ZNF280C: variants seen among roughly 807,000 people sequenced by gnomAD.
ZNF280C encodes zinc finger protein 280C, also known as suppressor of hairy wing homolog 3.
In ZNF280C, 14 loss-of-function variants were observed where a neutral mutation model predicts 53.6. The ratio of observed to expected loss-of-function variants is 0.26; its 90% CI spans 0.17 to 0.41. ZNF280C has a LOEUF of 0.41. Ranked by LOEUF, ZNF280C falls within the 10% of genes least tolerant of loss-of-function variation. The pLI, the probability that ZNF280C is intolerant of heterozygous loss-of-function variation, is 1.00. For missense variants in ZNF280C, 416 were observed against 547.1 expected, an observed-to-expected ratio of 0.76 and a Z score of 2.39; for synonymous variants, 203 against 181.1, an observed-to-expected ratio of 1.12 and a Z score of -0.97.
rs138517240 is a variant in ZNF280C at position 130,236,298 on chromosome X, A to G, written c.687T>C (p.Tyr229=). 195 of 1,201,485 alleles carry G rather than the reference A, an allele frequency of 1.6e-4. 1 individual carries two copies. In the African/African-American group the frequency reaches 3.0e-3, roughly 18 times the overall value. Residue 229 remains tyrosine, a synonymous_variant, in exon 8 of 19, where the codon TAT becomes TAC. Transcript: ENST00000370978. ...CTCTTAGGTAATCTGCTCCAGCATC[A>G]TATGGAGATGAGGTATTTGTACCTA... The part of the protein sequence containing the change: ...LSKGTNTSSP[Y]DAGADYLRAC...
chrX:130,252,295 G>C (rs771356801), intron 2 of ZNF280C, among the ~76,000 whole-genome samples: 5 of 111,574 alleles, frequency 4.5e-5, no homozygotes, highest in African/African-American at 1.6e-4. Flanking sequence ...TGGGATGCAG[G>C]GTTCGTTCAA....
At chrX:130,235,184 A>C (rs1326599722) in intron 8 of ZNF280C, among the ~76,000 whole-genome samples, 5 of 112,733 alleles carry the variant, frequency 4.4e-5, no homozygotes, top group Admixed American at 3.8e-4. Context: ...AATTTAGTCA[A>C]TAAAATATTG....
intron 2 of ZNF280C, among the ~76,000 whole-genome samples, chrX:130,259,516 A>ACATATATAGT (rs1423183280): frequency 8.9e-6 from 1 of 112,547 alleles, no homozygotes; most frequent in Non-Finnish European, 1.9e-5. Context: ...GCACATAATA[A>ACATATATAGT]CATATATAGT....
chrX:130,214,677 T>C (rs2032080472), intron 15 of ZNF280C, among the ~76,000 whole-genome samples: 1 of 111,817 alleles, frequency 8.9e-6, no homozygotes, highest in Non-Finnish European at 1.9e-5. Flanking sequence ...CATCTCTAGA[T>C]TTGTGAACCT....
intron 1 of ZNF280C, among the ~76,000 whole-genome samples, chrX:130,265,335 A>T (rs981523490): frequency 1.8e-5 from 2 of 112,057 alleles, no homozygotes; most frequent in African/African-American, 6.5e-5. Flanking sequence ...TCTACAAAGA[A>T]GTTTTACTTT....
chrX:130,240,399 A>G (rs1051561611), intron 5 of ZNF280C, among the ~76,000 whole-genome samples: 7 of 111,445 alleles, frequency 6.3e-5, no homozygotes, highest in Non-Finnish European at 1.3e-4. Flanking sequence ...CCCTCCTTAC[A>G]CAATACTTTT....
At position 130,209,601 on chromosome X, in the gene ZNF280C, A is replaced by G. The variant is rs752134218; in HGVS notation, c.2042+52T>C. On this transcript the variant is annotated intron_variant, in intron 16 of 18. Coordinates refer to ENST00000370978, the MANE Select transcript of ZNF280C (RefSeq NM_017666.5). The stretch of plus-strand genomic sequence containing the variant: ...GCAGGCACTCCAACATCAAGTTTTA[A>G]AAAGTTACTGCAATATTTCAATTGA... 8 of 1,090,339 alleles carry G rather than the reference A, an allele frequency of 7.3e-6. No individual in the cohort carries two copies. In the African/African-American group the frequency reaches 1.5e-4, roughly 20 times the overall value. The allele number at this position is 1,090,339 out of a possible 1,213,427, so 89.9% of individuals were successfully genotyped here.
chrX:130,253,692 A>G (rs1032026788), intron 2 of ZNF280C, among the ~76,000 whole-genome samples: 1 of 112,344 alleles, frequency 8.9e-6, no homozygotes, highest in Non-Finnish European at 1.9e-5. Context: ...TGGTGCCAGG[A>G]TAACTGGCTA....
rs1450827622 is a variant in ZNF280C at position 130,243,300 on chromosome X, A to G, written c.381+263T>C. 1.7e-4 allele frequency among the ~76,000 whole-genome samples: 19 copies of G among 111,153 alleles called. No individual in the cohort carries two copies. In the Admixed American group the frequency reaches 1.8e-3, roughly 11 times the overall value. The stretch of plus-strand genomic sequence containing the variant: ...AGGGCTCAAGCAATCCTCCCATCTC[A>G]GCCTCCCGAGTAGCTGGGACTACAG... On this transcript the variant is annotated intron_variant, in intron 5 of 18. Transcript: ENST00000370978.
intron 10 of ZNF280C, among the ~76,000 whole-genome samples, chrX:130,228,265 A>G (rs1282815499): frequency 9.0e-6 from 1 of 111,612 alleles, no homozygotes; most frequent in Admixed American, 9.5e-5. Flanking sequence ...TGTTTATAAG[A>G]AAGATTTCAA....
chrX:130,223,323 G>C (rs983585300), intron 12 of ZNF280C, among the ~76,000 whole-genome samples: 1 of 112,299 alleles, frequency 8.9e-6, no homozygotes, highest in African/African-American at 3.2e-5. Flanking sequence ...CTCCCAAAGT[G>C]CTGGGATTAC....
intron 13 of ZNF280C, among the ~76,000 whole-genome samples, chrX:130,220,009 A>G (rs2032146646): frequency 9.0e-6 from 1 of 111,697 alleles, no homozygotes; most frequent in Non-Finnish European, 1.9e-5. Context: ...ACCAGGCAGT[A>G]GTTTGTTTCT....
At chrX:130,226,517 C>A (rs1189555463) in intron 12 of ZNF280C, among the ~76,000 whole-genome samples, 1 of 111,522 alleles carries the variant, frequency 9.0e-6, no homozygotes, top group Non-Finnish European at 1.9e-5. Context: ...AGAACTTTGA[C>A]TATTTATGAT....
At chrX:130,213,129 G>A (rs1372206550) in intron 15 of ZNF280C, among the ~76,000 whole-genome samples, 4 of 111,323 alleles carry the variant, frequency 3.6e-5, no homozygotes, top group African/African-American at 9.8e-5. Flanking sequence ...CGAGGCGGGC[G>A]GATCATGAGG....
intron 16 of ZNF280C, among the ~76,000 whole-genome samples, chrX:130,209,445 T>G (rs764711076): frequency 8.9e-6 from 1 of 112,309 alleles, no homozygotes; most frequent in South Asian, 3.6e-4. Context: ...CTTATTTTTG[T>G]TATTTTACAA....
At chrX:130,225,936 T>C (rs1469328360) in intron 12 of ZNF280C, among the ~76,000 whole-genome samples, 1 of 111,938 alleles carries the variant, frequency 8.9e-6, no homozygotes, top group Non-Finnish European at 1.9e-5. Flanking sequence ...TCCGTTGACT[T>C]CTGATTTTGG....
At chrX:130,221,760 G>A (rs771521309) in intron 12 of ZNF280C, among the ~76,000 whole-genome samples, 1 of 111,352 alleles carries the variant, frequency 9.0e-6, no homozygotes, top group Non-Finnish European at 1.9e-5. Context: ...AGCCACTTAC[G>A]CGGACTCTTG....
At position 130,229,121 on chromosome X, in the gene ZNF280C, T is replaced by C; in HGVS notation, c.1003A>G (p.Met335Val). The C allele has an allele frequency of 1.7e-6, 2 of 1,206,120 alleles. No homozygotes were observed. The highest frequency in any genetic ancestry group is 1.1e-6 in the Non-Finnish European group (1 of 892,515). The change falls in exon 10 of 19, where the codon ATG becomes GTG. Residue 335 changes from methionine (M) to valine (V), a missense_variant. By Grantham distance (21) the Met-to-Val change is conservative. Transcript: ENST00000370978. ...TTCTCAAGTTCCAAGTGATGTTTCA[T>C]GTGGTTCATAAACCTACAAACAATT... Reference protein sequence around the residue: ...LKNNIRFMNHMKHHLELEKQN... With the variant: ...LKNNIRFMNHVKHHLELEKQN...
intron 6 of ZNF280C, 130 bp from the exon 7 acceptor site, chrX:130,236,769 G>T (rs2032339386): frequency 5.3e-6 from 2 of 379,144 alleles, no homozygotes; most frequent in Non-Finnish European, 8.8e-6. Context: ...TAAGTTAAAG[G>T]TAATATAATT....
Sources: allele counts gnomAD v4.1 joint callset (sites outside exome capture counted in the v4.1 genomes callset), GRCh38; gene constraint gnomAD v4.1.1; transcripts MANE v1.5; gene names NCBI Gene and HGNC (gene_info 2026-07-23, HGNC 2026-07-21).